The following C3orf70 variants were observed in gnomAD, a reference collection of about 807,000 sequenced individuals.
The protein encoded by C3orf70 is chromosome 3 open reading frame 70, also known as UPF0524 protein C3orf70.
In C3orf70, 15 loss-of-function variants were observed where a neutral mutation model predicts 20.7. That is an observed-to-expected ratio of 0.72 (90% CI 0.48 to 1.11). The LOEUF is 1.11. Ranked by LOEUF, C3orf70 falls within the 50% of genes most tolerant of loss-of-function variation. The probability of loss-of-function intolerance (pLI) is 0.00; values close to 1 mark genes in which losing one functional copy is unlikely to be tolerated. For synonymous variants in C3orf70, 161 were observed against 125.7 expected, an observed-to-expected ratio of 1.28 and a Z score of -1.88; for missense variants, 332 against 317.6, an observed-to-expected ratio of 1.05 and a Z score of -0.34.
chr3:185,136,768 C>T (rs1052461847), intron 1 of C3orf70, among the ~76,000 whole-genome samples: 1 of 134,690 alleles, frequency 7.4e-6, no homozygotes, highest in Non-Finnish European at 1.7e-5. Context: ...AAAAATTAGC[C>T]GGGTATGGTG....
chr3:185,123,693 A>G (rs568398937), intron 1 of C3orf70, among the ~76,000 whole-genome samples: 33 of 151,898 alleles, frequency 2.2e-4, no homozygotes, highest in African/African-American at 8.0e-4. Flanking sequence ...TGTGATACAT[A>G]TGTGACTGTT....
At chr3:185,114,895 TAAG>T (rs939038387) in intron 1 of C3orf70, among the ~76,000 whole-genome samples, 11 of 152,222 alleles carry the variant, frequency 7.2e-5, no homozygotes, top group Non-Finnish European at 1.6e-4. Context: ...TTGTTTTCAA[TAAG>T]AAGCCCTAAA....
chr3:185,131,316 G>A (rs1716518754), intron 1 of C3orf70, among the ~76,000 whole-genome samples: 1 of 152,194 alleles, frequency 6.6e-6, no homozygotes, highest in Non-Finnish European at 1.5e-5. Context: ...TCTATGACTA[G>A]GTGATCATTT....
chr3:185,084,717 C>T (rs1222259104), intron 1 of C3orf70, among the ~76,000 whole-genome samples: 2 of 152,160 alleles, frequency 1.3e-5, no homozygotes, highest in African/African-American at 4.8e-5. Flanking sequence ...TGGATTTGGT[C>T]CTCATCCCAT....
intron 1 of C3orf70, among the ~76,000 whole-genome samples, chr3:185,107,881 C>G (rs1715980117): frequency 6.6e-6 from 1 of 152,100 alleles, no homozygotes; most frequent in Non-Finnish European, 1.5e-5. Flanking sequence ...CAGCATTCAC[C>G]TACAGGTGTT....
intron 1 of C3orf70, among the ~76,000 whole-genome samples, chr3:185,107,998 A>T (rs1037341192): frequency 6.6e-6 from 1 of 152,170 alleles, no homozygotes; most frequent in Non-Finnish European, 1.5e-5. Flanking sequence ...AGGGATTCGG[A>T]GAACTCAGAT....
At chr3:185,091,864 T>TTATA (rs71162280) in intron 1 of C3orf70, among the ~76,000 whole-genome samples, 41 of 124,498 alleles carry the variant, frequency 3.3e-4, no homozygotes, top group South Asian at 5.1e-4. Context: ...ATGTATTATA[T>TTATA]TATATATATA....
rs1301302800 is a variant in C3orf70 at position 185,091,939 on chromosome 3, ATATATATATATATATATATATATAT to A, written c.197-8401_197-8377del. On this transcript the variant is annotated intron_variant, in intron 1 of 1. Coordinates refer to ENST00000335012, the MANE Select transcript of C3orf70 (RefSeq NM_001025266.3). The stretch of plus-strand genomic sequence containing the variant: ...TATATATATATATATATATATATAT[ATATATATATATATATATATATATAT>A]TTTTTTTTTTTTTTAGTAGAGACAG... Among the ~76,000 whole-genome samples, 9 of 5,878 alleles carry A rather than the reference ATATATATATATATATATATATATAT, an allele frequency of 1.5e-3. 2 individuals are homozygous for A. The highest frequency in any genetic ancestry group is 7.2e-3 in the African/African-American group (9 of 1,252). The allele number at this position is 5,878 out of a possible 152,430, so 3.9% of individuals were successfully genotyped here.
At chr3:185,084,199 A>C (rs541320716) in intron 1 of C3orf70, among the ~76,000 whole-genome samples, 1 of 151,778 alleles carries the variant, frequency 6.6e-6, no homozygotes, top group South Asian at 2.1e-4. Context: ...AAAAACAACC[A>C]AGTTGTAAAA....
intron 1 of C3orf70, among the ~76,000 whole-genome samples, chr3:185,111,017 G>A (rs547265523): frequency 2.0e-5 from 3 of 152,194 alleles, no homozygotes; most frequent in East Asian, 1.9e-4. Flanking sequence ...GCGCTGCCGG[G>A]TTAGGGTCTC....
At chr3:185,092,762 G>A (rs1715618537) in intron 1 of C3orf70, among the ~76,000 whole-genome samples, 1 of 152,182 alleles carries the variant, frequency 6.6e-6, no homozygotes, top group South Asian at 2.1e-4. Flanking sequence ...GGAGGCCTAG[G>A]TGGGCGGATC....
chr3:185,125,820 T>C (rs1288976221), intron 1 of C3orf70, among the ~76,000 whole-genome samples: 1 of 152,182 alleles, frequency 6.6e-6, no homozygotes, highest in African/African-American at 2.4e-5. Flanking sequence ...TATGATTCCA[T>C]GTATAAAACA....
At chr3:185,125,397 A>G (rs1420597571) in intron 1 of C3orf70, among the ~76,000 whole-genome samples, 1 of 106,688 alleles carries the variant, frequency 9.4e-6, no homozygotes, top group African/African-American at 4.5e-5. Flanking sequence ...CAACAACAAC[A>G]ACAACAACAA....
At chr3:185,090,477 T>C (rs1475663218) in intron 1 of C3orf70, among the ~76,000 whole-genome samples, 4 of 152,112 alleles carry the variant, frequency 2.6e-5, no homozygotes, top group Non-Finnish European at 5.9e-5. Context: ...AGAAGTATAC[T>C]GCTCTCAGGG....
At position 185,079,284 on chromosome 3, in the gene C3orf70, A is replaced by C. The variant is rs1436893123; in HGVS notation, c.*3723T>G. 1 of 122,874 alleles carries C rather than the reference A, an allele frequency of 8.1e-6. No individual in the cohort carries two copies. Among genetic ancestry groups the C allele is most frequent in the Non-Finnish European group, 1.8e-5 (1 of 57,050 alleles). 7.6% of individuals were successfully genotyped at this position (122,874 alleles called of 1,614,324 possible). A position where few individuals can be genotyped will look rare whatever the true frequency, so the allele number is the denominator to read the frequency against. ...TGAAGGAGCGAGACTCTGTCTCAAA[A>C]AAAAAAAAAAAAAAAAAAAAGTAAA... On this transcript the variant is annotated 3_prime_UTR_variant, in exon 2 of 2. Coordinates refer to ENST00000335012, the MANE Select transcript of C3orf70 (RefSeq NM_001025266.3).
intron 1 of C3orf70, among the ~76,000 whole-genome samples, chr3:185,119,362 G>A (rs190200771): frequency 6.6e-6 from 1 of 152,248 alleles, no homozygotes; most frequent in Admixed American, 6.5e-5. Context: ...TGAAATTTGT[G>A]CTAAGAGAAG....
chr3:185,095,845 C>T (rs1577320407), intron 1 of C3orf70, among the ~76,000 whole-genome samples: 1 of 151,518 alleles, frequency 6.6e-6, no homozygotes, highest in South Asian at 2.1e-4. Flanking sequence ...CAAGCAATTC[C>T]CCTACCTCAG....
At chr3:185,096,180 A>C (rs533505692) in intron 1 of C3orf70, among the ~76,000 whole-genome samples, 3 of 152,226 alleles carry the variant, frequency 2.0e-5, no homozygotes, top group Non-Finnish European at 2.9e-5. Flanking sequence ...ATTTCTCCTG[A>C]AACTGTAGTT....
intron 1 of C3orf70, among the ~76,000 whole-genome samples, chr3:185,125,613 G>A (rs368392594): frequency 6.6e-6 from 1 of 152,072 alleles, no homozygotes; most frequent in Non-Finnish European, 1.5e-5. Context: ...TCCACCAGCT[G>A]ATGAATGTTA....
Sources: gnomAD v4.1 joint callset for allele counts (sites outside exome capture counted in the v4.1 genomes callset) on GRCh38, gnomAD v4.1.1 for gene constraint, MANE v1.5 for transcripts, NCBI Gene and HGNC (gene_info 2026-07-23, HGNC 2026-07-21) for gene names.